WWOX: variants seen among roughly 807,000 people sequenced by gnomAD.
WWOX encodes the protein WW domain containing oxidoreductase.
WWOX carries 69 observed loss-of-function variants against 46.2 expected under a neutral mutation model. The observed-to-expected ratio is 1.49, with a 90% CI of 1.23 to 1.82. The LOEUF is 1.82. Among genes scored for constraint, WWOX ranks in the 40% most tolerant of loss-of-function variants. The pLI, the probability that WWOX is intolerant of heterozygous loss-of-function variation, is 0.00. For synonymous variants in WWOX, 359 were observed against 202.6 expected (o/e 1.77, Z -6.56); for missense variants, 919 against 542.6 (o/e 1.69, Z -6.89).
At chr16:78,127,196 C>G (rs2033397737) in intron 4 of WWOX, among the ~76,000 whole-genome samples, 1 of 152,164 alleles carries the variant, frequency 6.6e-6, no homozygotes, top group Admixed American at 6.5e-5. Context: ...AGTACTCCTA[C>G]TTTGCAAAGT....
At chr16:78,366,758 G>A (rs578127793) in intron 5 of WWOX, among the ~76,000 whole-genome samples, 2 of 152,114 alleles carry the variant, frequency 1.3e-5, no homozygotes, top group African/African-American at 2.4e-5. Flanking sequence ...TCCAATCTCT[G>A]TTCTAGAGGA....
At chr16:78,931,168 A>G (rs2045616042) in intron 8 of WWOX, among the ~76,000 whole-genome samples, 2 of 152,218 alleles carry the variant, frequency 1.3e-5, no homozygotes, top group East Asian at 1.9e-4. Context: ...AAACAGAGCT[A>G]TACGCACATC....
intron 5 of WWOX, among the ~76,000 whole-genome samples, chr16:78,380,129 C>T (rs1049966669): frequency 2.0e-5 from 3 of 152,072 alleles, no homozygotes; most frequent in South Asian, 2.1e-4. Flanking sequence ...CTTGGGCTAC[C>T]GGGTTACCAA....
intron 8 of WWOX, among the ~76,000 whole-genome samples, chr16:78,589,328 G>A (rs1053556524): frequency 6.6e-6 from 1 of 152,166 alleles, no homozygotes; most frequent in Non-Finnish European, 1.5e-5. Context: ...TCCTTGATGG[G>A]GGGACACATG....
At chr16:78,992,237 C>T (rs59559238) in intron 8 of WWOX, among the ~76,000 whole-genome samples, 122 of 152,238 alleles carry the variant, frequency 8.0e-4, no homozygotes, top group African/African-American at 2.9e-3. Context: ...CCTTTGGTCA[C>T]CCCTTCTGTA....
intron 8 of WWOX, among the ~76,000 whole-genome samples, chr16:78,902,828 T>C (rs1272810322): frequency 6.6e-6 from 1 of 152,176 alleles, no homozygotes. Flanking sequence ...TTAGTGGGCC[T>C]GGTTTTTGCC....
At chr16:79,017,336 A>T (rs1378173518) in intron 8 of WWOX, 1 of 147,516 alleles carries the variant, frequency 6.8e-6, no homozygotes, top group Non-Finnish European at 1.5e-5. Context: ...AGGCTGAAGC[A>T]GGAGAATAGC....
chr16:78,380,062 C>G (rs2081921524), intron 5 of WWOX, among the ~76,000 whole-genome samples: 1 of 152,194 alleles, frequency 6.6e-6, no homozygotes, highest in Non-Finnish European at 1.5e-5. Flanking sequence ...TTGAAGGTGT[C>G]TGTTAACTGT....
intron 8 of WWOX, among the ~76,000 whole-genome samples, chr16:78,767,267 A>G (rs1037175001): frequency 6.6e-6 from 1 of 151,802 alleles, no homozygotes; most frequent in Non-Finnish European, 1.5e-5. Context: ...GGTGCATGCC[A>G]CCATGCCTGG....
intron 8 of WWOX, among the ~76,000 whole-genome samples, chr16:79,015,573 A>G (rs2151380137): frequency 6.6e-6 from 1 of 152,226 alleles, no homozygotes; most frequent in South Asian, 2.1e-4. Context: ...GGTTCAACTC[A>G]TGAGGAGGGT....
At chr16:78,386,641 C>G (rs183465347) in intron 5 of WWOX, among the ~76,000 whole-genome samples, 1,866 of 148,578 alleles carry the variant, frequency 0.013, 121 homozygotes, top group Admixed American at 0.11. Flanking sequence ...GCCCCACCCC[C>G]CAGCCTGTAG....
At chr16:78,769,594 C>T (rs973274670) in intron 8 of WWOX, among the ~76,000 whole-genome samples, 4 of 137,910 alleles carry the variant, frequency 2.9e-5, no homozygotes, top group African/African-American at 5.4e-5. Context: ...TTTACCATGT[C>T]TGTTACTCCA....
intron 8 of WWOX, among the ~76,000 whole-genome samples, chr16:78,934,965 A>G (rs2045705530): frequency 6.6e-6 from 1 of 152,198 alleles, no homozygotes; most frequent in African/African-American, 2.4e-5. Flanking sequence ...ACACTTTTCA[A>G]AAGAAGACAT....
At chr16:78,209,078 T>A (rs917192425) in intron 5 of WWOX, among the ~76,000 whole-genome samples, 1 of 152,222 alleles carries the variant, frequency 6.6e-6, no homozygotes, top group African/African-American at 2.4e-5. Context: ...AATGTCTATT[T>A]CATGCTAAAT....
Position 78,573,183 on chromosome 16 carries a change from G to A in WWOX, c.1056+140431G>A, listed in dbSNP as rs185004779. Among the ~76,000 whole-genome samples, 1,182 of 152,258 alleles carry A rather than the reference G, an allele frequency of 7.8e-3. 21 individuals are homozygous for A. The highest frequency in any genetic ancestry group is 0.028 in the African/African-American group (1,150 of 41,540). The stretch of plus-strand genomic sequence containing the variant: ...TGCCTGTAGTCCCAGCTGCTCAGGA[G>A]GCTGAGGCAGGAGAATGGCGTGAAC... On this transcript the variant is annotated intron_variant, in intron 8 of 8. Transcript: ENST00000566780.
chr16:78,552,347 C>T (rs1274657032), intron 8 of WWOX: 1 of 152,238 alleles, frequency 6.6e-6, no homozygotes, highest in Non-Finnish European at 1.5e-5. Context: ...CATCTGCCCC[C>T]TCCATAGCAT....
At chr16:78,902,740 C>G (rs34327236) in intron 8 of WWOX, among the ~76,000 whole-genome samples, 12,670 of 152,258 alleles carry the variant, frequency 0.083, 1,286 homozygotes, top group African/African-American at 0.24. Context: ...TGGTGGAAAT[C>G]CACTTTTCCA....
chr16:78,144,346 C>G (rs992534703), intron 4 of WWOX, among the ~76,000 whole-genome samples: 2 of 145,856 alleles, frequency 1.4e-5, no homozygotes, highest in East Asian at 2.0e-4. Flanking sequence ...AGCCTTTTAG[C>G]TAATGTAGCA....
chr16:79,160,538 G>A (rs990760713), intron 8 of WWOX, among the ~76,000 whole-genome samples: 1 of 152,206 alleles, frequency 6.6e-6, no homozygotes, highest in Non-Finnish European at 1.5e-5. Context: ...CTACTTGAAA[G>A]TGTCATATAA....
Sources: gnomAD v4.1 joint callset for allele counts (sites outside exome capture counted in the v4.1 genomes callset) on GRCh38, gnomAD v4.1.1 for gene constraint, MANE v1.5 for transcripts, NCBI Gene and HGNC (gene_info 2026-07-23, HGNC 2026-07-21) for gene names.